AVEN: variants seen among roughly 807,000 people sequenced by gnomAD.
AVEN encodes cell death regulator Aven.
In AVEN, 41 loss-of-function variants were observed where a neutral mutation model predicts 38.1. The ratio of observed to expected loss-of-function variants is 1.08; its 90% CI spans 0.84 to 1.40. The LOEUF is 1.40. Among genes scored for constraint, AVEN ranks in the 40% most tolerant of loss-of-function variants. The pLI is 0.00. For synonymous variants in AVEN, 206 were observed against 171.8 expected (o/e 1.20, Z -1.56); for missense variants, 605 against 438.8 (o/e 1.38, Z -3.38).
At chr15:33,952,873 A>C (rs78443385) in intron 2 of AVEN, among the ~76,000 whole-genome samples, 9 of 152,060 alleles carry the variant, frequency 5.9e-5, no homozygotes, top group African/African-American at 1.7e-4. Context: ...AAAAAAAAAA[A>C]CACTTCATTT....
At position 33,866,289 on chromosome 15, in the gene AVEN, A is replaced by C. The variant is rs1890473616; in HGVS notation, c.*324T>G. On this transcript the variant is annotated 3_prime_UTR_variant, in exon 6 of 6. Transcript: ENST00000306730. ...TGCCTTGTTTGCATCTATTCTCTTAATCAGCAGCAGCATCTGCTATGCTGT... is the reference window on the plus strand; with the variant it reads ...TGCCTTGTTTGCATCTATTCTCTTACTCAGCAGCAGCATCTGCTATGCTGT... The C allele has an allele frequency of 3.5e-6, 1 of 284,578 alleles. No homozygotes were observed. Among genetic ancestry groups the C allele is most frequent in the African/African-American group, 2.2e-5 (1 of 46,226 alleles). 17.6% of individuals were successfully genotyped at this position (284,578 alleles called of 1,614,324 possible).
rs376934994 is a variant in AVEN at position 34,064,300 on chromosome 15, A to G, written n.1127-868T>C. 13 of 1,612,752 alleles carry G rather than the reference A, an allele frequency of 8.1e-6. No individual in the cohort carries two copies. In the African/African-American group the frequency reaches 1.6e-4, roughly 20 times the overall value. ...GAAGAGAAGTTGTACTGGCAGGGGA[A>G]CAGCAAGCTACCCTGAAAAGTCAAC... On this transcript the variant is annotated intron_variant and non_coding_transcript_variant, in intron 4 of 11. Coordinates refer to the AVEN transcript ENST00000675287.
At position 34,038,781 on chromosome 15, in the gene AVEN, G is replaced by A. The variant is rs1367441225; in HGVS notation, c.266C>T (p.Pro89Leu). Residue 89 changes from proline (P) to leucine (L), a missense_variant and splice_region_variant, in exon 1 of 6, where the codon CCG becomes CTG. Pro to Leu is a moderately conservative substitution (Grantham distance 98). Coordinates refer to ENST00000306730, the MANE Select transcript of AVEN (RefSeq NM_020371.3). ...GCCCCACCAGCCGTCGCCTCTTACCGGCGCGCTGGCCCCTGCGCCCCAGCC... is the reference window on the plus strand; with the variant it reads ...GCCCCACCAGCCGTCGCCTCTTACCAGCGCGCTGGCCCCTGCGCCCCAGCC... ...PGGWGAGASA[P>L]VEDDSDAETY... 1.5e-5 allele frequency: 18 copies of A among 1,176,118 alleles called. No homozygotes were observed. The highest frequency in any genetic ancestry group is 4.5e-5 in the Admixed American group (1 of 22,200). 72.9% of individuals were successfully genotyped at this position (1,176,118 alleles called of 1,614,324 possible).
intron 5 of AVEN, among the ~76,000 whole-genome samples, chr15:34,044,435 T>C (rs1411297259): frequency 6.6e-6 from 1 of 152,220 alleles, no homozygotes; most frequent in Non-Finnish European, 1.5e-5. Context: ...ACACTACCCT[T>C]AGGAATTTAA....
At chr15:33,923,714 G>A (rs939738387) in intron 2 of AVEN, among the ~76,000 whole-genome samples, 2 of 151,996 alleles carry the variant, frequency 1.3e-5, no homozygotes, top group Admixed American at 1.3e-4. Flanking sequence ...ACCCCTAGGG[G>A]TTAGGAACCA....
intron 2 of AVEN, among the ~76,000 whole-genome samples, chr15:33,891,514 A>T (rs922440599): frequency 9.2e-5 from 14 of 152,078 alleles, no homozygotes; most frequent in African/African-American, 2.7e-4. Context: ...GTCTGCTGAG[A>T]ATGATGGTTT....
chr15:33,871,287 C>T (rs1890937922), intron 3 of AVEN, among the ~76,000 whole-genome samples: 2 of 152,210 alleles, frequency 1.3e-5, no homozygotes, highest in South Asian at 4.2e-4. Context: ...ACTGTCCAGG[C>T]TGGGCGCAGT....
chr15:34,058,051 A>T (rs1315060956), intron 5 of AVEN, among the ~76,000 whole-genome samples: 2 of 152,140 alleles, frequency 1.3e-5, no homozygotes, highest in Non-Finnish European at 2.9e-5. Context: ...GCAGGAATCA[A>T]TGTTGCTGTC....
chr15:33,980,647 A>G (rs963396863), intron 2 of AVEN, among the ~76,000 whole-genome samples: 6 of 152,178 alleles, frequency 3.9e-5, no homozygotes, highest in Non-Finnish European at 8.8e-5. Context: ...AGGGAGTGAC[A>G]CACAGAAAAG....
chr15:33,863,086 G>C (rs1889039120), downstream of AVEN, among the ~76,000 whole-genome samples: 1 of 152,136 alleles, frequency 6.6e-6, no homozygotes, highest in African/African-American at 2.4e-5. Context: ...CTTTGGGTTG[G>C]AACCCCTTCT....
intron 2 of AVEN, among the ~76,000 whole-genome samples, chr15:33,947,511 G>A (rs1894552905): frequency 6.6e-6 from 1 of 152,204 alleles, no homozygotes; most frequent in Non-Finnish European, 1.5e-5. Context: ...CAGGGAGGGA[G>A]AGGTTGGTTC....
intron 1 of AVEN, among the ~76,000 whole-genome samples, chr15:34,011,103 G>A (rs1200456349): frequency 6.6e-6 from 1 of 152,002 alleles, no homozygotes; most frequent in Non-Finnish European, 1.5e-5. Context: ...TAGGCAAGAG[G>A]ATTACTTGAG....
At chr15:33,897,162 G>A (rs1892265867) in intron 2 of AVEN, among the ~76,000 whole-genome samples, 1 of 152,158 alleles carries the variant, frequency 6.6e-6, no homozygotes, top group African/African-American at 2.4e-5. Context: ...AAGGTACATA[G>A]GGAACTTTCT....
intron 1 of AVEN, among the ~76,000 whole-genome samples, chr15:34,019,731 G>A (rs577431707): frequency 6.6e-6 from 1 of 152,300 alleles, no homozygotes; most frequent in South Asian, 2.1e-4. Context: ...GTACAGGTTT[G>A]TAGCCCAGGA....
downstream of AVEN, chr15:33,857,941 G>T: frequency 6.9e-7 from 1 of 1,439,880 alleles, no homozygotes; most frequent in Non-Finnish European, 9.4e-7. Context: ...TGCGGGGCCA[G>T]CCCACCCACT....
chr15:34,002,632 C>T (rs748125407), intron 2 of AVEN, among the ~76,000 whole-genome samples: 21 of 151,872 alleles, frequency 1.4e-4, no homozygotes, highest in Admixed American at 2.0e-4. Context: ...ATATACCTGG[C>T]TACTTAAAAA....
intron 1 of AVEN, among the ~76,000 whole-genome samples, chr15:34,017,733 G>A (rs1199006574): frequency 6.6e-6 from 1 of 152,082 alleles, no homozygotes; most frequent in East Asian, 1.9e-4. Flanking sequence ...ACCCACCTCA[G>A]CCTCCCAAAG....
At chr15:33,998,593 C>A in intron 2 of AVEN, among the ~76,000 whole-genome samples, 1 of 152,174 alleles carries the variant, frequency 6.6e-6, no homozygotes, top group East Asian at 1.9e-4. Flanking sequence ...AACATCTCTT[C>A]CCACATTCTT....
intron 2 of AVEN, among the ~76,000 whole-genome samples, chr15:33,898,599 C>T (rs1003664146): frequency 6.6e-6 from 1 of 152,136 alleles, no homozygotes; most frequent in Non-Finnish European, 1.5e-5. Flanking sequence ...TTTCTCTCTC[C>T]TTTTGACACT....
Sources: allele counts gnomAD v4.1 joint callset (sites outside exome capture counted in the v4.1 genomes callset), GRCh38; gene constraint gnomAD v4.1.1; transcripts MANE v1.5; gene names NCBI Gene and HGNC (gene_info 2026-07-23, HGNC 2026-07-21).